Variants in ZNG1F observed in about 807,000 individuals in gnomAD.
ZNG1F encodes the protein Zn regulated GTPase metalloprotein activator 1F, also known as zinc-regulated GTPase metalloprotein activator 1F.
chr9:41,144,536 G>A, the ZNG1F span, among the ~76,000 whole-genome samples: 31 of 143,464 alleles, frequency 2.2e-4, no homozygotes, highest in Middle Eastern at 3.5e-3. Context: ...GCTCATAAAT[G>A]TGAACCAAAA....
the ZNG1F span, among the ~76,000 whole-genome samples, chr9:41,149,785 T>C: frequency 4.0e-5 from 6 of 150,974 alleles, no homozygotes; most frequent in African/African-American, 1.5e-4. Context: ...CAATACTGTA[T>C]TGTACACTTA....
the ZNG1F span, among the ~76,000 whole-genome samples, chr9:41,193,622 A>G: frequency 7.4e-5 from 11 of 148,982 alleles, no homozygotes; most frequent in African/African-American, 2.2e-4. Context: ...AATCTCAGCC[A>G]GACACAGTGG....
chr9:41,183,719 C>CA, the ZNG1F span: 6 of 1,602,204 alleles, frequency 3.7e-6, no homozygotes, highest in Admixed American at 6.9e-5. Context: ...CATTAGCCAA[C>CA]AAAAAACAAA....
chr9:41,158,673 T>C, the ZNG1F span: 1 of 67,184 alleles, frequency 1.5e-5, no homozygotes, highest in Non-Finnish European at 3.1e-5. Flanking sequence ...TCTCACCAAA[T>C]TTTCAAAAAA....
chr9:41,187,111 G>A, the ZNG1F span, among the ~76,000 whole-genome samples: 1 of 147,852 alleles, frequency 6.8e-6, no homozygotes, highest in Non-Finnish European at 1.5e-5. Flanking sequence ...ATTTACTAGG[G>A]CTTTTTAACC....
chr9:41,143,939 T>C, the ZNG1F span, among the ~76,000 whole-genome samples: 10 of 30,454 alleles, frequency 3.3e-4, 5 homozygotes, highest in Non-Finnish European at 1.1e-3. Flanking sequence ...AAATATACAT[T>C]AATATACACA....
At chr9:41,174,094 C>T in the ZNG1F span, among the ~76,000 whole-genome samples, 20,967 of 142,006 alleles carry the variant, frequency 0.15, 824 homozygotes, top group South Asian at 0.24. Flanking sequence ...CGATGGTGCA[C>T]GCCTGTAGTC....
At chr9:41,155,007 A>G in the ZNG1F span, among the ~76,000 whole-genome samples, 1 of 150,616 alleles carries the variant, frequency 6.6e-6, no homozygotes, top group Admixed American at 6.7e-5. Flanking sequence ...GACAGATGGG[A>G]TCTAATTAAA....
chr9:41,187,185 C>A, the ZNG1F span, among the ~76,000 whole-genome samples: 1 of 142,886 alleles, frequency 7.0e-6, no homozygotes. Context: ...TAATACGTTA[C>A]AGATTTATGC....
the ZNG1F span, among the ~76,000 whole-genome samples, chr9:41,199,852 G>T: frequency 4.6e-5 from 7 of 151,166 alleles, no homozygotes; most frequent in South Asian, 8.4e-4. Flanking sequence ...AAGGCTTGGG[G>T]CTTGCACCCT....
chr9:41,184,391 C>CT, the ZNG1F span, among the ~76,000 whole-genome samples: 2 of 125,362 alleles, frequency 1.6e-5, no homozygotes, highest in African/African-American at 5.8e-5. Flanking sequence ...TGACCCGAGA[C>CT]TGTGCCACTG....
the ZNG1F span, among the ~76,000 whole-genome samples, chr9:41,175,313 G>T: frequency 1.1e-4 from 16 of 139,492 alleles, no homozygotes; most frequent in East Asian, 6.7e-4. Flanking sequence ...TCCCAAAAAC[G>T]TAATAGTTTT....
the ZNG1F span, among the ~76,000 whole-genome samples, chr9:41,138,861 A>G: frequency 1.5e-5 from 2 of 131,924 alleles, no homozygotes; most frequent in Admixed American, 7.6e-5. Context: ...TTCATTGAAT[A>G]TTTCTCCCTT....
chr9:41,199,042 G>T, the ZNG1F span: 1 of 90,114 alleles, frequency 1.1e-5, no homozygotes, highest in Non-Finnish European at 2.4e-5. Flanking sequence ...ATGAGATTTG[G>T]GTGGGGACAC....
chr9:41,192,988 C>T, the ZNG1F span, among the ~76,000 whole-genome samples: 1 of 151,896 alleles, frequency 6.6e-6, no homozygotes, highest in African/African-American at 2.4e-5. Flanking sequence ...ATGTTTTGAG[C>T]CCCTAAGCAT....
the ZNG1F span, chr9:41,132,175 T>A: frequency 6.3e-7 from 1 of 1,586,806 alleles, no homozygotes; most frequent in South Asian, 1.1e-5. Flanking sequence ...ATGATATCCC[T>A]TTCAAATATA....
the ZNG1F span, among the ~76,000 whole-genome samples, chr9:41,156,028 A>G: frequency 8.9e-6 from 1 of 112,992 alleles, no homozygotes; most frequent in Non-Finnish European, 1.8e-5. Flanking sequence ...TAAAAAATAA[A>G]AAAATAAAGT....
the ZNG1F span, chr9:41,158,875 A>G: frequency 7.2e-6 from 1 of 139,188 alleles, no homozygotes; most frequent in Admixed American, 7.7e-5. Flanking sequence ...GCCAAGAAAA[A>G]AAAAAAAAAG....
chr9:41,155,324 A>G, the ZNG1F span, among the ~76,000 whole-genome samples: 1 of 150,254 alleles, frequency 6.7e-6, no homozygotes, highest in African/African-American at 2.5e-5. Context: ...CACACCAGTT[A>G]GAATGGCGAT....
Sources: gnomAD v4.1 joint callset for allele counts (sites outside exome capture counted in the v4.1 genomes callset) on GRCh38, gnomAD v4.1.1 for gene constraint, MANE v1.5 for transcripts, NCBI Gene and HGNC (gene_info 2026-07-23, HGNC 2026-07-21) for gene names.